PUM1: variants seen among roughly 807,000 people sequenced by gnomAD.
The protein encoded by PUM1 is pumilio RNA binding family member 1.
PUM1 carries 13 observed loss-of-function variants against 131.8 expected under a neutral mutation model. The observed-to-expected ratio is 0.10, with a 90% confidence interval of 0.06 to 0.16. The LOEUF (loss-of-function observed/expected upper bound fraction) is 0.16. Ranked by LOEUF, PUM1 falls within the 10% of genes least tolerant of loss-of-function variation. The pLI, the probability that PUM1 is intolerant of heterozygous loss-of-function variation, is 1.00. For synonymous variants in PUM1, 509 were observed against 556.5 expected (o/e 0.91, Z 1.20); for missense variants, 961 against 1,512.4 (o/e 0.64, Z 6.05).
chr1:31,009,782 A>AAAAAAAAAAAAAAAAAAAAAAAAAAAAC (rs375044466), intron 3 of PUM1, among the ~76,000 whole-genome samples: 1 of 125,366 alleles, frequency 8.0e-6, no homozygotes, highest in African/African-American at 3.3e-5. Flanking sequence ...AAAAAAAAAA[A>AAAAAAAAAAAAAAAAAAAAAAAAAAAAC]AAAAACAAAA....
At chr1:30,956,926 T>C (rs1311840553) in intron 14 of PUM1, among the ~76,000 whole-genome samples, 7 of 150,952 alleles carry the variant, frequency 4.6e-5, no homozygotes, top group African/African-American at 1.7e-4. Flanking sequence ...TTGGATGTTC[T>C]GTTATTATGG....
At chr1:31,003,531 A>T in intron 5 of PUM1, among the ~76,000 whole-genome samples, 1 of 152,002 alleles carries the variant, frequency 6.6e-6, no homozygotes, top group East Asian at 1.9e-4. Flanking sequence ...CTGAGGTGGG[A>T]AGATCACCTG....
chr1:31,017,906 G>C (rs1048235926), intron 3 of PUM1, among the ~76,000 whole-genome samples: 4 of 152,120 alleles, frequency 2.6e-5, no homozygotes, highest in African/African-American at 9.7e-5. Flanking sequence ...GTGAAGGAAA[G>C]CAAATGAATA....
intron 17 of PUM1, 64 bp downstream of exon 17, chr1:30,950,063 G>C: frequency 6.6e-7 from 1 of 1,508,020 alleles, no homozygotes; most frequent in East Asian, 2.3e-5. Context: ...AGAATTACAG[G>C]GTTCACTACA....
intron 7 of PUM1, among the ~76,000 whole-genome samples, chr1:30,986,878 G>C (rs1380499107): frequency 6.6e-6 from 1 of 152,050 alleles, no homozygotes; most frequent in Non-Finnish European, 1.5e-5. Context: ...TACACACTTG[G>C]CCTCACGAGA....
chr1:30,998,247 A>G (rs899977953), intron 5 of PUM1, among the ~76,000 whole-genome samples: 1 of 152,224 alleles, frequency 6.6e-6, no homozygotes, highest in Admixed American at 6.5e-5. Context: ...CAAGAAATCA[A>G]CAATGGCCCT....
intron 7 of PUM1, among the ~76,000 whole-genome samples, chr1:30,984,293 C>T (rs943850459): frequency 6.6e-6 from 1 of 152,080 alleles, no homozygotes; most frequent in Admixed American, 6.5e-5. Flanking sequence ...GTAAATGGTG[C>T]AATATTAACT....
intron 2 of PUM1, among the ~76,000 whole-genome samples, chr1:31,056,508 C>A (rs1364082397): frequency 6.6e-6 from 1 of 151,108 alleles, no homozygotes. Context: ...GTCTTGAACT[C>A]CTGACCTCAG....
intron 11 of PUM1, 174 bp downstream of exon 11, chr1:30,968,180 G>GCTCT (rs1364058751): frequency 1.2e-6 from 1 of 864,712 alleles, no homozygotes; most frequent in Admixed American, 1.7e-5. Context: ...TCAGAACAAT[G>GCTCT]CTCTCATCAG....
chr1:31,024,446 G>C (rs1643150961), intron 3 of PUM1, among the ~76,000 whole-genome samples: 1 of 152,178 alleles, frequency 6.6e-6, no homozygotes, highest in African/African-American at 2.4e-5. Context: ...TTATCACTCT[G>C]TATATAGGAG....
At chr1:30,989,999 G>A (rs1641725175) in intron 7 of PUM1, among the ~76,000 whole-genome samples, 1 of 152,196 alleles carries the variant, frequency 6.6e-6, no homozygotes, top group Non-Finnish European at 1.5e-5. Flanking sequence ...TCTGATCCAA[G>A]AAGTAACTTT....
intron 2 of PUM1, among the ~76,000 whole-genome samples, chr1:31,039,000 T>C (rs1309467872): frequency 1.3e-5 from 1 of 74,106 alleles, no homozygotes; most frequent in Admixed American, 1.5e-4. Context: ...TTTTTTTTTT[T>C]CCTTTTCTCT....
chr1:31,003,336 T>C (rs982483221), intron 5 of PUM1, among the ~76,000 whole-genome samples: 2 of 152,176 alleles, frequency 1.3e-5, no homozygotes, highest in Non-Finnish European at 2.9e-5. Flanking sequence ...GATGTATGCA[T>C]ACTATGACAA....
rs1171739409 is a variant in PUM1 at position 30,980,113 on chromosome 1, G to A, written c.1303C>T (p.Pro435Ser). The A allele has an allele frequency of 2.5e-6, 4 of 1,613,886 alleles. No individual in the cohort carries two copies. The highest frequency in any genetic ancestry group is 1.1e-5 in the South Asian group (1 of 91,072). ...VPNPYIISAA[P>S]PGTDPYTAGL... ...GCTGTGTAGGGGTCCGTCCCTGGGGGAGCAGCGCTGATGATGTATGGATTG... is the reference window on the plus strand; with the variant it reads ...GCTGTGTAGGGGTCCGTCCCTGGGGAAGCAGCGCTGATGATGTATGGATTG... Residue 435 changes from proline to serine, a missense_variant, in exon 9 of 22, where the codon CCC (proline) becomes TCC (serine). Coordinates refer to ENST00000426105, the MANE Select transcript of PUM1 (RefSeq NM_001020658.2).
intron 3 of PUM1, among the ~76,000 whole-genome samples, chr1:31,012,182 C>G (rs1385963999): frequency 2.0e-5 from 3 of 149,518 alleles, no homozygotes; most frequent in Non-Finnish European, 4.4e-5. Context: ...ACACAACCAT[C>G]CTTGTCCATC....
At chr1:30,983,153 T>G (rs1161674995) in intron 7 of PUM1, among the ~76,000 whole-genome samples, 1 of 152,220 alleles carries the variant, frequency 6.6e-6, no homozygotes, top group African/African-American at 2.4e-5. Context: ...CACATTTCTG[T>G]TTTACTAAAG....
At chr1:30,935,480 G>A (rs1271241175) in intron 21 of PUM1, among the ~76,000 whole-genome samples, 1 of 152,206 alleles carries the variant, frequency 6.6e-6, no homozygotes, top group African/African-American at 2.4e-5. Flanking sequence ...ACGACCTGCT[G>A]TACAACAGGT....
In PUM1 at chr1:31,015,347, C is replaced by CT. The variant is rs1308071061; in HGVS notation, c.433-8246dup. 9.9e-3 allele frequency among the ~76,000 whole-genome samples: 1,467 copies of CT among 147,788 alleles called. 7 individuals are homozygous for CT. Among genetic ancestry groups the CT allele is most frequent in the East Asian group, 0.032 (166 of 5,112 alleles). On this transcript the variant is annotated intron_variant, in intron 3 of 21. Transcript: ENST00000426105. ...TTCAACATAATTTCATTTTCTTTTT[C>CT]TTTTTTTTTTTTGAGACGGAGTCTC...
At chr1:31,031,189 C>T (rs775202981) in intron 2 of PUM1, among the ~76,000 whole-genome samples, 1 of 152,166 alleles carries the variant, frequency 6.6e-6, no homozygotes, top group Admixed American at 6.6e-5. Flanking sequence ...TTTAGGCCAG[C>T]ATTAACATTG....
Sources: gnomAD v4.1 joint callset for allele counts (sites outside exome capture counted in the v4.1 genomes callset) on GRCh38, gnomAD v4.1.1 for gene constraint, MANE v1.5 for transcripts, NCBI Gene and HGNC (gene_info 2026-07-23, HGNC 2026-07-21) for gene names.